PARP12: variants seen among roughly 807,000 people sequenced by gnomAD.
PARP12 encodes poly(ADP-ribose) polymerase family member 12.
PARP12 carries 59 observed loss-of-function variants against 72.4 expected under a neutral mutation model. The ratio of observed to expected loss-of-function variants is 0.81; its 90% CI spans 0.66 to 1.01. The LOEUF (loss-of-function observed/expected upper bound fraction) is 1.01. Among genes scored for constraint, PARP12 ranks in the 50% least tolerant of loss-of-function variants. The pLI, the probability that PARP12 is intolerant of heterozygous loss-of-function variation, is 0.00. For synonymous variants in PARP12, 403 were observed against 371.4 expected (o/e 1.09, Z -0.98); for missense variants, 851 against 914.0 (o/e 0.93, Z 0.89).
chr7:140,028,597 C>T lies in PARP12; in HGVS notation c.1497+16G>A, dbSNP rs201169069. On this transcript the variant is annotated intron_variant, in intron 9 of 11. Transcript: ENST00000263549. The stretch of plus-strand genomic sequence containing the variant: ...GAACACCTTCCTGTCCAGCCCCAGG[C>T]GCATGCGTCCCCTACCTGAAAGCCT... 11 of 1,568,162 alleles carry T rather than the reference C, an allele frequency of 7.0e-6. No homozygotes were observed. In the East Asian group the frequency reaches 9.4e-5, roughly 13 times the overall value.
At chr7:140,039,005 A>C (rs1295021903) in intron 6 of PARP12, among the ~76,000 whole-genome samples, 2 of 152,246 alleles carry the variant, frequency 1.3e-5, no homozygotes, top group Non-Finnish European at 2.9e-5. Context: ...TCTTGGAAGA[A>C]AAAGATGCCT....
intron 10 of PARP12, among the ~76,000 whole-genome samples, chr7:140,027,026 C>T (rs1182063946): frequency 6.6e-6 from 1 of 152,202 alleles, no homozygotes; most frequent in Non-Finnish European, 1.5e-5. Context: ...AGAGTGCTAG[C>T]TTTGCCACCA....
chr7:140,027,219 A>C, intron 10 of PARP12, 57 bp downstream of exon 10: 1 of 1,587,524 alleles, frequency 6.3e-7, no homozygotes, highest in Non-Finnish European at 8.6e-7. Flanking sequence ...TGTGGCAACC[A>C]GCCAGTGGTG....
At chr7:140,050,443 A>G (rs1251274313) in intron 4 of PARP12, among the ~76,000 whole-genome samples, 1 of 152,216 alleles carries the variant, frequency 6.6e-6, no homozygotes, top group Non-Finnish European at 1.5e-5. Context: ...GCTACATGCC[A>G]GCCTCCCACC....
intron 1 of PARP12, 28 bp downstream of exon 1, chr7:140,062,494 C>G: frequency 6.6e-7 from 1 of 1,518,656 alleles, no homozygotes; most frequent in Non-Finnish European, 8.8e-7. Context: ...GACCTCCGCC[C>G]GCCGTCGCTC....
chr7:140,053,490 G>GTTCCATA (rs1817048614), intron 4 of PARP12, among the ~76,000 whole-genome samples: 1 of 152,096 alleles, frequency 6.6e-6, no homozygotes, highest in East Asian at 1.9e-4. Flanking sequence ...TTTGGAGGGG[G>GTTCCATA]TTCCATATCT....
intron 8 of PARP12, among the ~76,000 whole-genome samples, chr7:140,032,833 C>T (rs1022115450): frequency 5.9e-5 from 9 of 151,956 alleles, no homozygotes; most frequent in Non-Finnish European, 1.3e-4. Context: ...CTAATGTTAC[C>T]CACAGTGGGA....
rs375729282 is a variant in PARP12, at chr7:140,041,777, G to C, written c.1049C>G (p.Thr350Ser). Residue 350 changes from threonine (T) to serine (S), a missense_variant, in exon 6 of 12, where the codon ACT becomes AGT. Transcript: ENST00000263549. The part of the protein sequence containing the change: ...HSHCLNFNAM[T>S]YGATQARRLS... The stretch of plus-strand genomic sequence containing the variant: ...GCGGCGAGCCTGGGTAGCACCGTAA[G>C]TCATGGCGTTAAAGTTCAGACAATG... The C allele has an allele frequency of 2.2e-5, 36 of 1,614,010 alleles. No individual in the cohort carries two copies. Among genetic ancestry groups the C allele is most frequent in the Non-Finnish European group, 3.0e-5 (35 of 1,179,982 alleles).
At chr7:140,042,578 G>A (rs1489674541) in intron 5 of PARP12, among the ~76,000 whole-genome samples, 1 of 152,246 alleles carries the variant, frequency 6.6e-6, no homozygotes, top group Admixed American at 6.5e-5. Flanking sequence ...TAGGGTCTGA[G>A]TACGGCAGGA....
chr7:140,057,447 T>C (rs1817233317), intron 2 of PARP12: 1 of 456,170 alleles, frequency 2.2e-6, no homozygotes, highest in Non-Finnish European at 3.9e-6. Context: ...GCAAATCAAA[T>C]GGCTACATCC....
chr7:140,029,439 T>A (rs1226402337), intron 8 of PARP12, among the ~76,000 whole-genome samples: 2 of 152,224 alleles, frequency 1.3e-5, no homozygotes, highest in African/African-American at 2.4e-5. Flanking sequence ...AGATCTACCT[T>A]CTGTTTCTGC....
intron 10 of PARP12, among the ~76,000 whole-genome samples, chr7:140,026,621 A>T (rs1815749308): frequency 6.6e-6 from 1 of 152,154 alleles, no homozygotes; most frequent in Non-Finnish European, 1.5e-5. Flanking sequence ...CAGCCCTTGG[A>T]AAATGGGTAC....
chr7:140,050,559 G>A (rs1261651668), intron 4 of PARP12, among the ~76,000 whole-genome samples: 1 of 152,172 alleles, frequency 6.6e-6, no homozygotes, highest in Non-Finnish European at 1.5e-5. Flanking sequence ...GGATTCTCAA[G>A]CACCAACGTG....
chr7:140,042,840 C>G lies in PARP12; in HGVS notation c.987-1001G>C, dbSNP rs190908375. Among the ~76,000 whole-genome samples the G allele has an allele frequency of 9.2e-5, 14 of 152,314 alleles. No individual in the cohort carries two copies. In the East Asian group the frequency reaches 1.9e-3, roughly 21 times the overall value. On this transcript the variant is annotated intron_variant, in intron 5 of 11. Coordinates refer to ENST00000263549, the MANE Select transcript of PARP12 (RefSeq NM_022750.4). ...TAGCTGCAAAGACCACCCAGGGTAGCAGTTCTCAGAGAAGCAAACACACAT... is the reference window on the plus strand; with the variant it reads ...TAGCTGCAAAGACCACCCAGGGTAGGAGTTCTCAGAGAAGCAAACACACAT...
At chr7:140,039,311 G>C (rs1816357289) in intron 6 of PARP12, among the ~76,000 whole-genome samples, 1 of 152,224 alleles carries the variant, frequency 6.6e-6, no homozygotes, top group African/African-American at 2.4e-5. Context: ...GAAACAGAGA[G>C]GAGAAGCAGC....
intron 6 of PARP12, chr7:140,038,075 T>C (rs1196520853): frequency 2.0e-6 from 2 of 984,956 alleles, no homozygotes; most frequent in African/African-American, 1.8e-5. Context: ...ATGCAGTAAA[T>C]ATGGGTCCTG....
rs772266031 is a variant in PARP12 at position 140,054,777 on chromosome 7, C to G, written c.761-14G>C. ...TGTCTTTTCTTTCTGCAAAGAAACA[C>G]CACAAAGATATGTCAGCTTCTGATA... On this transcript the variant is annotated splice_polypyrimidine_tract_variant and intron_variant, in intron 3 of 11. Coordinates refer to ENST00000263549, the MANE Select transcript of PARP12 (RefSeq NM_022750.4). 6 of 1,579,268 alleles carry G rather than the reference C, an allele frequency of 3.8e-6. No individual in the cohort carries two copies. The East Asian group carries it at 1.3e-4, about 35-fold the overall frequency.
At chr7:140,040,441 C>G (rs1222041195) in intron 6 of PARP12, among the ~76,000 whole-genome samples, 2 of 152,166 alleles carry the variant, frequency 1.3e-5, no homozygotes, top group African/African-American at 4.8e-5. Context: ...TAGTGCAAGG[C>G]AGCAAGGCCA....
At chr7:140,048,732 C>T (rs1232480333) in intron 4 of PARP12, among the ~76,000 whole-genome samples, 2 of 152,066 alleles carry the variant, frequency 1.3e-5, no homozygotes, top group African/African-American at 4.8e-5. Flanking sequence ...AACTTTGAAC[C>T]ACAAGAAGAT....
Sources: gnomAD v4.1 joint callset for allele counts (sites outside exome capture counted in the v4.1 genomes callset) on GRCh38, gnomAD v4.1.1 for gene constraint, MANE v1.5 for transcripts, NCBI Gene and HGNC (gene_info 2026-07-23, HGNC 2026-07-21) for gene names.